RAB37: variants seen among roughly 807,000 people sequenced by gnomAD.
The protein encoded by RAB37 is ras-related protein Rab-37.
RAB37 carries 29 observed loss-of-function variants against 33.1 expected under a neutral mutation model. The ratio of observed to expected loss-of-function variants is 0.88; its 90% CI spans 0.65 to 1.20. RAB37 has a LOEUF of 1.20. Among genes scored for constraint, RAB37 ranks in the 50% most tolerant of loss-of-function variants. RAB37 has a pLI of 0.00. For missense variants in RAB37, 299 were observed against 301.1 expected (o/e 0.99, Z 0.05); for synonymous variants, 128 against 119.5 (o/e 1.07, Z -0.47).
At chr17:74,698,260 G>A (rs1349045522) in intron 1 of RAB37, 1 of 821,626 alleles carries the variant, frequency 1.2e-6, no homozygotes, top group Non-Finnish European at 2.0e-6. Flanking sequence ...CTTTGGGACT[G>A]TGCCATTTCC....
At chr17:74,702,850 T>C (rs986392005) in intron 1 of RAB37, among the ~76,000 whole-genome samples, 8 of 152,246 alleles carry the variant, frequency 5.3e-5, no homozygotes, top group African/African-American at 1.9e-4. Context: ...GAATGAAGGA[T>C]CTGTGGAGAC....
intron 1 of RAB37, among the ~76,000 whole-genome samples, chr17:74,706,809 G>A (rs139125884): frequency 2.6e-5 from 4 of 152,216 alleles, no homozygotes; most frequent in South Asian, 2.1e-4. Context: ...GTATCCATGC[G>A]AAGGCACAGC....
At chr17:74,728,843 T>G (rs1367459773) in intron 1 of RAB37, among the ~76,000 whole-genome samples, 9 of 152,152 alleles carry the variant, frequency 5.9e-5, no homozygotes. Context: ...ATGTGTCTTG[T>G]GCATGTATGT....
chr17:74,709,220 C>CAAA (rs1054719174), intron 1 of RAB37, among the ~76,000 whole-genome samples: 6 of 128,526 alleles, frequency 4.7e-5, no homozygotes, highest in African/African-American at 1.7e-4. Flanking sequence ...AAGACTGACT[C>CAAA]AAAAAAAAAA....
At chr17:74,695,296 GAC>G (rs1325841753) in intron 1 of RAB37, 1 of 1,608,292 alleles carries the variant, frequency 6.2e-7, no homozygotes, top group East Asian at 2.2e-5. Flanking sequence ...GGCAGGAAGT[GAC>G]GGTCACGGGG....
chr17:74,696,108 A>G (rs557720524), intron 1 of RAB37: 2 of 1,504,558 alleles, frequency 1.3e-6, no homozygotes, highest in South Asian at 2.6e-5. Context: ...GACTTCTCTG[A>G]TATTTTGGAC....
rs1354189333 is a variant in RAB37, at chr17:74,730,726, G to C, written c.183+1360G>C. Among the ~76,000 whole-genome samples, 1 of 152,136 alleles carries C rather than the reference G, an allele frequency of 6.6e-6. No homozygotes were observed. The highest frequency in any genetic ancestry group is 2.4e-5 in the African/African-American group (1 of 41,450). ...AGCCAGGGCACACCCTGCCCTCAGG[G>C]TCACACCCGCATCTCCTCACCCACC... On this transcript the variant is annotated intron_variant, in intron 2 of 7. Coordinates refer to the RAB37 transcript ENST00000340415. This position sits in a 1 kb window ranked among gnomAD's most constrained non-coding sequence, Gnocchi z 4.4.
chr17:74,722,866 G>A (rs556908159), intron 1 of RAB37, among the ~76,000 whole-genome samples: 4 of 152,256 alleles, frequency 2.6e-5, no homozygotes, highest in East Asian at 1.9e-4. Flanking sequence ...TGAATTTCCT[G>A]TCTTGTTAAG....
intron 1 of RAB37, among the ~76,000 whole-genome samples, chr17:74,708,012 G>A (rs1251621418): frequency 6.6e-6 from 1 of 151,752 alleles, no homozygotes; most frequent in Non-Finnish European, 1.5e-5. Context: ...GCCTGGCGTG[G>A]TGGCACACAC....
At chr17:74,733,530 TTTGAGGG>T (rs2034423046), upstream of RAB37, among the ~76,000 whole-genome samples, 1 of 6,092 alleles carries the variant, frequency 1.6e-4, no homozygotes, top group Non-Finnish European at 4.4e-4. Flanking sequence ...TGTGGTGTGA[TTTGAGGG>T]GTGAGGTGTG....
At chr17:74,674,904 C>T (rs949944742) in intron 1 of RAB37, among the ~76,000 whole-genome samples, 3 of 152,100 alleles carry the variant, frequency 2.0e-5, no homozygotes, top group Admixed American at 1.3e-4. Flanking sequence ...TTTGACAGCA[C>T]AGCAGATGTT....
intron 1 of RAB37, among the ~76,000 whole-genome samples, chr17:74,692,349 T>G (rs1240405416): frequency 6.6e-6 from 1 of 152,174 alleles, no homozygotes; most frequent in Non-Finnish European, 1.5e-5. Context: ...CAAGCTTGCT[T>G]GGGCTCCATG....
At chr17:74,728,978 G>A (rs1265876686) in intron 1 of RAB37, among the ~76,000 whole-genome samples, 2 of 151,686 alleles carry the variant, frequency 1.3e-5, no homozygotes, top group East Asian at 1.9e-4. Context: ...ATGTGTGTAC[G>A]TGTATGTGTG....
intron 1 of RAB37, among the ~76,000 whole-genome samples, chr17:74,708,792 T>G (rs2033726864): frequency 6.6e-6 from 1 of 151,556 alleles, no homozygotes; most frequent in Non-Finnish European, 1.5e-5. Flanking sequence ...GGCGGGCGCC[T>G]GTAGTCCCAG....
chr17:74,706,804 C>T (rs1442297174), intron 1 of RAB37, among the ~76,000 whole-genome samples: 1 of 152,210 alleles, frequency 6.6e-6, no homozygotes, highest in Non-Finnish European at 1.5e-5. Context: ...GCAGGGTATC[C>T]ATGCGAAGGC....
intron 1 of RAB37, chr17:74,695,860 C>G: frequency 1.2e-6 from 2 of 1,613,014 alleles, no homozygotes; most frequent in Non-Finnish European, 1.7e-6. Flanking sequence ...GCTGCAGTAC[C>G]TGGGACAGGG....
chr17:74,703,279 C>T, intron 1 of RAB37: 1 of 650,390 alleles, frequency 1.5e-6, no homozygotes, highest in Non-Finnish European at 2.7e-6. Context: ...GCCTGGACCA[C>T]TCATGTCTCC....
At chr17:74,721,009 G>A (rs563491052) in intron 1 of RAB37, among the ~76,000 whole-genome samples, 55 of 152,130 alleles carry the variant, frequency 3.6e-4, no homozygotes, top group Non-Finnish European at 4.4e-4. Flanking sequence ...CTATCCGTAT[G>A]CTCCGATGCT....
Position 74,744,830 on chromosome 17 carries a change from G to T in RAB37, c.433-43G>T, listed in dbSNP as rs541515563. The T allele has an allele frequency of 4.6e-5, 74 of 1,612,332 alleles. No individual in the cohort carries two copies. The highest frequency in any genetic ancestry group is 4.0e-4 in the East Asian group (18 of 44,870). On this transcript the variant is annotated intron_variant, in intron 6 of 8. Transcript: ENST00000392613. The surrounding 1 kb of genome is among the most constrained non-coding windows in gnomAD (Gnocchi z 4.2). ...TGGGGCAAAATATGGGCCCGCTGGG[G>T]CGGAGGCCTCCTTCCCCAGAGTGAC...
Sources: allele counts gnomAD v4.1 joint callset (sites outside exome capture counted in the v4.1 genomes callset), GRCh38; gene constraint gnomAD v4.1.1; non-coding constraint Gnocchi (gnomAD v3.1); transcripts MANE v1.5; gene names NCBI Gene and HGNC (gene_info 2026-07-23, HGNC 2026-07-21).